Variants in BNC2 observed in about 807,000 individuals in gnomAD.
The protein encoded by BNC2 is basonuclin zinc finger protein 2, also known as zinc finger protein basonuclin-2.
In BNC2, 20 loss-of-function variants were observed where a neutral mutation model predicts 76.3. The observed-to-expected ratio is 0.26, with a 90% confidence interval of 0.18 to 0.38. BNC2 has a LOEUF of 0.38. Among genes scored for constraint, BNC2 ranks in the 10% least tolerant of loss-of-function variants. The pLI is 1.00. For synonymous variants in BNC2, 582 were observed against 514.8 expected (o/e 1.13, Z -1.77); for missense variants, 1,382 against 1,399.8 (o/e 0.99, Z 0.20).
intron 1 of BNC2, among the ~76,000 whole-genome samples, chr9:16,754,648 C>A (rs1418781862): frequency 6.6e-6 from 1 of 152,112 alleles, no homozygotes; most frequent in Non-Finnish European, 1.5e-5. Flanking sequence ...AGCTCCACCT[C>A]CCAGGTTCAA....
chr9:16,673,439 AAAAAACACAC>A (rs1313326880), intron 3 of BNC2, among the ~76,000 whole-genome samples: 4 of 144,834 alleles, frequency 2.8e-5, no homozygotes, highest in African/African-American at 5.3e-5. Context: ...TTAAAAAAAA[AAAAAACACAC>A]ACACACACAC....
At chr9:16,626,598 A>G (rs1820999129) in intron 3 of BNC2, among the ~76,000 whole-genome samples, 1 of 152,166 alleles carries the variant, frequency 6.6e-6, no homozygotes, top group Non-Finnish European at 1.5e-5. Flanking sequence ...TGGATTCAGA[A>G]GCCCAATTTA....
intron 1 of BNC2, among the ~76,000 whole-genome samples, chr9:16,771,422 G>A (rs1364763807): frequency 6.6e-6 from 1 of 152,134 alleles, no homozygotes; most frequent in East Asian, 1.9e-4. Flanking sequence ...GGCTCTTACT[G>A]TCTGCAATCC....
At chr9:16,451,449 C>T (rs542769531) in intron 5 of BNC2, among the ~76,000 whole-genome samples, 1 of 152,192 alleles carries the variant, frequency 6.6e-6, no homozygotes, top group South Asian at 2.1e-4. Context: ...TTCATGGCTC[C>T]CTATTGTACA....
At chr9:16,524,957 T>C (rs1408654271) in intron 5 of BNC2, among the ~76,000 whole-genome samples, 1 of 151,634 alleles carries the variant, frequency 6.6e-6, no homozygotes, top group Non-Finnish European at 1.5e-5. Flanking sequence ...CCTGCAGTCC[T>C]AGCCACTCAG....
At chr9:16,431,621 C>A in intron 6 of BNC2, 2 of 284,808 alleles carry the variant, frequency 7.0e-6, no homozygotes, top group South Asian at 6.2e-5. Context: ...CTTTCAAAAT[C>A]TAACACTACA....
At chr9:16,468,737 G>T (rs1196946005) in intron 5 of BNC2, among the ~76,000 whole-genome samples, 2 of 152,082 alleles carry the variant, frequency 1.3e-5, no homozygotes, top group African/African-American at 4.8e-5. Flanking sequence ...CCAGAAGGTA[G>T]GTACTATTAT....
chr9:16,845,793 C>G (rs911207174), intron 1 of BNC2, among the ~76,000 whole-genome samples: 3 of 152,036 alleles, frequency 2.0e-5, no homozygotes, highest in Admixed American at 1.3e-4. Flanking sequence ...ACAAAATGTT[C>G]AAGTTCAATG....
At chr9:16,599,858 G>A (rs950912177) in intron 3 of BNC2, among the ~76,000 whole-genome samples, 11 of 152,276 alleles carry the variant, frequency 7.2e-5, no homozygotes, top group East Asian at 3.9e-4. Flanking sequence ...TGATAACAGC[G>A]CATGCCCATG....
At chr9:16,602,630 A>T (rs548108970) in intron 3 of BNC2, among the ~76,000 whole-genome samples, 2 of 152,206 alleles carry the variant, frequency 1.3e-5, no homozygotes, top group Non-Finnish European at 2.9e-5. Flanking sequence ...AGCAATGCCA[A>T]TTAGTGTCAG....
intron 3 of BNC2, among the ~76,000 whole-genome samples, chr9:16,665,532 TA>T (rs1822265409): frequency 6.6e-6 from 1 of 152,182 alleles, no homozygotes; most frequent in Non-Finnish European, 1.5e-5. Context: ...ACTAGACCTG[TA>T]AATTCTTTGA....
intron 1 of BNC2, among the ~76,000 whole-genome samples, chr9:16,785,327 A>C (rs1826257408): frequency 6.6e-6 from 1 of 152,192 alleles, no homozygotes; most frequent in Non-Finnish European, 1.5e-5. Context: ...CACCACTGCA[A>C]AAACTGAGGC....
chr9:16,432,072 A>G (rs1820920053), intron 6 of BNC2, among the ~76,000 whole-genome samples: 1 of 152,234 alleles, frequency 6.6e-6, no homozygotes, highest in Non-Finnish European at 1.5e-5. Flanking sequence ...TCTATCACTC[A>G]GAATAAAAAT....
intron 5 of BNC2, among the ~76,000 whole-genome samples, chr9:16,483,068 G>C (rs1177670165): frequency 6.6e-6 from 1 of 152,150 alleles, no homozygotes; most frequent in East Asian, 1.9e-4. Flanking sequence ...TATACACAAA[G>C]GCACTTACCA....
chr9:16,706,095 T>C (rs1311011807), intron 3 of BNC2, among the ~76,000 whole-genome samples: 1 of 152,374 alleles, frequency 6.6e-6, no homozygotes, highest in South Asian at 2.1e-4. Flanking sequence ...CAAATGTTTT[T>C]ATAATTTTAA....
intron 5 of BNC2, among the ~76,000 whole-genome samples, chr9:16,460,263 A>C (rs1821545639): frequency 6.6e-6 from 1 of 152,128 alleles, no homozygotes; most frequent in Admixed American, 6.5e-5. Flanking sequence ...TGGTTCTAAC[A>C]ACCCTGAAAT....
At chr9:16,816,722 C>T (rs1388939365) in intron 1 of BNC2, among the ~76,000 whole-genome samples, 3 of 152,138 alleles carry the variant, frequency 2.0e-5, no homozygotes, top group African/African-American at 7.2e-5. Flanking sequence ...ATAACGTGTG[C>T]TTTTTCTTTT....
chr9:16,617,624 T>C (rs770826130), intron 3 of BNC2, among the ~76,000 whole-genome samples: 15 of 152,120 alleles, frequency 9.9e-5, no homozygotes, highest in Non-Finnish European at 2.1e-4. Context: ...TAGTAAAACC[T>C]TGGGGCCTTA....
intron 5 of BNC2, among the ~76,000 whole-genome samples, chr9:16,448,936 G>A (rs1425122395): frequency 6.6e-6 from 1 of 152,110 alleles, no homozygotes; most frequent in African/African-American, 2.4e-5. Flanking sequence ...TGCATTAATA[G>A]TTTGTGTTTC....
Sources: gnomAD v4.1 joint callset for allele counts (sites outside exome capture counted in the v4.1 genomes callset) on GRCh38, gnomAD v4.1.1 for gene constraint, MANE v1.5 for transcripts, NCBI Gene and HGNC (gene_info 2026-07-23, HGNC 2026-07-21) for gene names.